The following FBN1 variants were observed in gnomAD, a reference collection of about 807,000 sequenced individuals.
FBN1 encodes fibrillin 1.
Under a neutral mutation model 365.1 loss-of-function variants are expected in FBN1, and 29 were observed. The observed-to-expected ratio is 0.08, with a 90% CI of 0.06 to 0.11. FBN1 has a LOEUF of 0.11. Ranked by LOEUF, FBN1 falls within the 10% of genes least tolerant of loss-of-function variation. The pLI is 1.00. For synonymous variants in FBN1, 1,210 were observed against 1,270.5 expected (o/e 0.95, Z 1.01); for missense variants, 2,476 against 3,703.2 (o/e 0.67, Z 8.60).
chr15:48,458,449 A>G (rs997470691), intron 43 of FBN1, among the ~76,000 whole-genome samples: 18 of 152,190 alleles, frequency 1.2e-4, no homozygotes, highest in Non-Finnish European at 2.2e-4. Context: ...TAGATCTTTC[A>G]CACCTTTGTC....
chr15:48,468,150 T>C lies in FBN1; in HGVS notation c.4583-48A>G, dbSNP rs543123962. ...AAAGCATCAGGCAGAATCTTTCTAC[T>C]GGGGTTGAAAATTCAAACCCACTTC... On this transcript the variant is annotated intron_variant, in intron 37 of 65. Coordinates refer to ENST00000316623, the MANE Select transcript of FBN1 (RefSeq NM_000138.5). 1.9e-6 allele frequency: 3 copies of C among 1,608,502 alleles called. No individual in the cohort carries two copies. In the African/African-American group the frequency reaches 4.0e-5, roughly 21 times the overall value.
chr15:48,552,094 A>G (rs1055709252), intron 6 of FBN1, among the ~76,000 whole-genome samples: 1 of 152,112 alleles, frequency 6.6e-6, no homozygotes, highest in African/African-American at 2.4e-5. Flanking sequence ...GTCTTCCACA[A>G]TGGTTGAACT....
intron 13 of FBN1, among the ~76,000 whole-genome samples, chr15:48,511,988 G>C (rs1261651022): frequency 6.6e-6 from 1 of 152,162 alleles, no homozygotes; most frequent in Admixed American, 6.5e-5. Flanking sequence ...TTAAACAATA[G>C]TCATAATATT....
intron 6 of FBN1, among the ~76,000 whole-genome samples, chr15:48,595,750 G>A (rs961943109): frequency 2.6e-5 from 4 of 151,654 alleles, no homozygotes; most frequent in Admixed American, 1.3e-4. Context: ...AGCAGGCTGC[G>A]ATGAGTACTG....
At chr15:48,642,989 T>A (rs916992958) in intron 2 of FBN1, 1 of 152,216 alleles carries the variant, frequency 6.6e-6, no homozygotes, top group Non-Finnish European at 1.5e-5. Context: ...GGGAACACAC[T>A]AGTTGGTGAC....
intron 2 of FBN1, among the ~76,000 whole-genome samples, chr15:48,633,826 C>G (rs1447720993): frequency 6.6e-6 from 1 of 152,182 alleles, no homozygotes; most frequent in African/African-American, 2.4e-5. Context: ...GAGGCCCAAT[C>G]TATTACCCAA....
chr15:48,495,667 G>A (rs946909797), intron 20 of FBN1, 79 bp from the exon 21 acceptor site: 1 of 1,556,514 alleles, frequency 6.4e-7, no homozygotes, highest in Middle Eastern at 1.7e-4. Flanking sequence ...GACCCCAATT[G>A]CTACTACATA....
intron 6 of FBN1, among the ~76,000 whole-genome samples, chr15:48,574,156 C>A (rs1471336730): frequency 1.3e-5 from 2 of 152,150 alleles, no homozygotes; most frequent in African/African-American, 4.8e-5. Flanking sequence ...CCTAAAGATA[C>A]AAATGTAAGT....
At chr15:48,614,606 G>A (rs1045338961) in intron 2 of FBN1, among the ~76,000 whole-genome samples, 4 of 152,182 alleles carry the variant, frequency 2.6e-5, no homozygotes, top group African/African-American at 7.2e-5. Context: ...GAAAGCTGGA[G>A]GAGCCAAGGA....
At chr15:48,592,559 T>A (rs1298200500) in intron 6 of FBN1, among the ~76,000 whole-genome samples, 1 of 151,946 alleles carries the variant, frequency 6.6e-6, no homozygotes, top group Non-Finnish European at 1.5e-5. Context: ...AGCTAAGAAG[T>A]GATTAAGTTC....
At chr15:48,527,771 A>C (rs1377951734) in intron 8 of FBN1, among the ~76,000 whole-genome samples, 1 of 152,226 alleles carries the variant, frequency 6.6e-6, no homozygotes, top group Non-Finnish European at 1.5e-5. Context: ...ACAATATTTC[A>C]CTGCTTATAT....
chr15:48,438,398 C>G (rs752869561), intron 50 of FBN1, among the ~76,000 whole-genome samples: 1 of 152,104 alleles, frequency 6.6e-6, no homozygotes, highest in Non-Finnish European at 1.5e-5. Context: ...CCCCTAAACT[C>G]TGGAACTAAA....
At chr15:48,451,238 T>C (rs376703472) in intron 45 of FBN1, among the ~76,000 whole-genome samples, 52 of 152,352 alleles carry the variant, frequency 3.4e-4, no homozygotes, top group African/African-American at 1.2e-3. Flanking sequence ...AGCAATTCTT[T>C]ATTTTGACTG....
intron 6 of FBN1, among the ~76,000 whole-genome samples, chr15:48,566,372 A>G (rs1033290445): frequency 6.6e-5 from 10 of 152,216 alleles, no homozygotes; most frequent in Admixed American, 5.2e-4. Context: ...TCATAATATA[A>G]ACACCTATTT....
At position 48,515,370 on chromosome 15, in the gene FBN1, T is replaced by C. The variant is rs1318950452; in HGVS notation, c.1468+17A>G. 7.4e-6 allele frequency: 12 copies of C among 1,613,574 alleles called. No homozygotes were observed. The highest frequency in any genetic ancestry group is 1.0e-5 in the Non-Finnish European group (12 of 1,179,746). On this transcript the variant is annotated intron_variant, in intron 12 of 65. Coordinates refer to ENST00000316623, the MANE Select transcript of FBN1 (RefSeq NM_000138.5). ...TTACAACAGACCCTTGGTGCCAACC[T>C]AGGATGGATCACGTACCAATACACT...
intron 6 of FBN1, among the ~76,000 whole-genome samples, chr15:48,591,591 C>G (rs562976349): frequency 3.3e-5 from 5 of 152,322 alleles, no homozygotes; most frequent in African/African-American, 1.2e-4. Context: ...TTCCAAAACC[C>G]TACATTTGAA....
rs72158035 is a variant in FBN1 at position 48,487,034 on chromosome 15, GTAAAA to G, written c.3589+36_3589+40del. On this transcript the variant is annotated intron_variant, in intron 29 of 65. Transcript: ENST00000316623. ...ATAACATAACATAACATAAAATAAA[GTAAAA>G]TAAAATAAAATAAAATAAAATAAAA... The G allele has an allele frequency of 0.15, 196,975 of 1,279,136 alleles. 17,597 individuals are homozygous for G. The highest frequency in any genetic ancestry group is 0.4 in the East Asian group (15,002 of 37,098). 79.2% of individuals were successfully genotyped at this position (1,279,136 alleles called of 1,614,324 possible).
chr15:48,549,084 T>C (rs1355656284), intron 6 of FBN1, among the ~76,000 whole-genome samples: 1 of 152,258 alleles, frequency 6.6e-6, no homozygotes, highest in Non-Finnish European at 1.5e-5. Flanking sequence ...TATTCAAATG[T>C]ATTTTCAAAT....
intron 15 of FBN1, among the ~76,000 whole-genome samples, chr15:48,507,194 T>A (rs1030765519): frequency 2.6e-5 from 4 of 152,158 alleles, no homozygotes; most frequent in Non-Finnish European, 5.9e-5. Context: ...TCAAGAAGAT[T>A]ATGTATTCTC....
Sources: gnomAD v4.1 joint callset for allele counts (sites outside exome capture counted in the v4.1 genomes callset) on GRCh38, gnomAD v4.1.1 for gene constraint, MANE v1.5 for transcripts, NCBI Gene and HGNC (gene_info 2026-07-23, HGNC 2026-07-21) for gene names.